ATP4B: variants seen among roughly 807,000 people sequenced by gnomAD.
ATP4B encodes ATPase H+/K+ transporting subunit beta.
ATP4B carries 27 observed loss-of-function variants against 35.3 expected under a neutral mutation model. That is an observed-to-expected ratio of 0.76 (90% confidence interval 0.56 to 1.05). The LOEUF (loss-of-function observed/expected upper bound fraction) is 1.05. Ranked by LOEUF, ATP4B falls within the 50% of genes least tolerant of loss-of-function variation. The pLI is 0.00. For synonymous variants in ATP4B, 162 were observed against 156.0 expected (o/e 1.04, Z -0.29); for missense variants, 375 against 384.8 (o/e 0.97, Z 0.21).
intron 1 of ATP4B, among the ~76,000 whole-genome samples, chr13:113,656,644 A>C (rs564797110): frequency 1.3e-5 from 2 of 152,108 alleles, no homozygotes; most frequent in Non-Finnish European, 2.9e-5. Flanking sequence ...CTGCACCTGC[A>C]CCCGTCCCCC....
At chr13:113,653,154 G>T in intron 3 of ATP4B, 82 bp from the exon 4 acceptor site, 2 of 1,505,104 alleles carry the variant, frequency 1.3e-6, no homozygotes, top group South Asian at 2.5e-5. Context: ...TGCAAGCCCT[G>T]AGTGCGAGTT....
Position 113,651,654 on chromosome 13 carries a change from C to A in ATP4B, c.612+17G>T, listed in dbSNP as rs376524272. Reference sequence around the variant, plus strand: ...CCTTTCCTGGGGCAGCCCTGCCCGCCGCGCGGCCGTACTCACCAGGAAGGC... The same window carrying A: ...CCTTTCCTGGGGCAGCCCTGCCCGCAGCGCGGCCGTACTCACCAGGAAGGC... On this transcript the variant is annotated intron_variant, in intron 5 of 6. Coordinates refer to ENST00000335288, the MANE Select transcript of ATP4B (RefSeq NM_000705.4). 11 of 1,596,692 alleles carry A rather than the reference C, an allele frequency of 6.9e-6. No homozygotes were observed. The highest frequency in any genetic ancestry group is 9.4e-6 in the Non-Finnish European group (11 of 1,170,396).
At position 113,649,370 on chromosome 13, in the gene ATP4B, C is replaced by T. The variant is rs372371020; in HGVS notation, c.*4G>A. The stretch of plus-strand genomic sequence containing the variant: ...GCGTGCCCAGGACCCCTGCGCAAAC[C>T]GTTTCACTTCTCAATCTTGAGTTTG... On this transcript the variant is annotated 3_prime_UTR_variant, in exon 7 of 7. Transcript: ENST00000335288. The surrounding 1 kb of genome is among the most constrained non-coding windows in gnomAD (Gnocchi z 4.7). 3.4e-5 allele frequency: 54 copies of T among 1,591,224 alleles called. No homozygotes were observed. In the African/African-American group the frequency reaches 6.2e-4, roughly 18 times the overall value.
intron 1 of ATP4B, 96 bp from the exon 2 acceptor site, chr13:113,655,038 C>A: frequency 6.7e-7 from 1 of 1,494,682 alleles, no homozygotes; most frequent in Non-Finnish European, 9.1e-7. Context: ...GCGTGACCAT[C>A]TTCCCTACCT....
rs750144083 is a variant in ATP4B at position 113,649,347 on chromosome 13, G to T, written c.*27C>A. 4 of 1,578,168 alleles carry T rather than the reference G, an allele frequency of 2.5e-6. No individual in the cohort carries two copies. In the African/African-American group the frequency reaches 5.4e-5, roughly 21 times the overall value. On this transcript the variant is annotated 3_prime_UTR_variant, in exon 7 of 7. Coordinates refer to ENST00000335288, the MANE Select transcript of ATP4B (RefSeq NM_000705.4). This position sits in a 1 kb window ranked among gnomAD's most constrained non-coding sequence, Gnocchi z 4.7. ...GGTGTCCTTGAGCGACCCCGCAGGC[G>T]TGCCCAGGACCCCTGCGCAAACCGT...
At chr13:113,653,118 C>T (rs368500033) in intron 3 of ATP4B, 46 bp from the exon 4 acceptor site, 84 of 1,572,104 alleles carry the variant, frequency 5.3e-5, no homozygotes, top group South Asian at 1.6e-4. Flanking sequence ...CTGGCCCTGA[C>T]GCCTGGCTGC....
intron 4 of ATP4B, among the ~76,000 whole-genome samples, chr13:113,652,430 A>T (rs2049719403): frequency 1.3e-5 from 2 of 152,158 alleles, no homozygotes; most frequent in African/African-American, 2.4e-5. Context: ...CTTGGCCAGG[A>T]CCTGCCCTGC....
In ATP4B at chr13:113,653,403, C is replaced by T. The variant is rs2049728991; in HGVS notation, c.273G>A (p.Glu91=). The part of the protein sequence containing the change: ...GVTLRPDVYG[E]KGLEIVYNVS... The stretch of plus-strand genomic sequence containing the variant: ...CGTTGTAGACAATTTCCAGGCCTTT[C>T]TCCCCGTAAACATCCGGCCTTAAGG... The change falls in exon 3 of 7, where the codon GAG becomes GAA. Residue 91 remains glutamate (E), a synonymous_variant. Coordinates refer to ENST00000335288, the MANE Select transcript of ATP4B (RefSeq NM_000705.4). 3 of 1,614,254 alleles carry T rather than the reference C, an allele frequency of 1.9e-6. No homozygotes were observed. Among genetic ancestry groups the T allele is most frequent in the Non-Finnish European group, 2.5e-6 (3 of 1,180,048 alleles).
intron 2 of ATP4B, among the ~76,000 whole-genome samples, chr13:113,653,897 C>T (rs959634761): frequency 2.6e-5 from 4 of 152,224 alleles, no homozygotes; most frequent in African/African-American, 4.8e-5. Flanking sequence ...TCGACTTTCC[C>T]GATGTGAACC....
intron 1 of ATP4B, among the ~76,000 whole-genome samples, chr13:113,657,058 G>A (rs367705712): frequency 2.8e-4 from 43 of 152,362 alleles, no homozygotes; most frequent in African/African-American, 8.2e-4. Context: ...CTTTGAGACC[G>A]TGGAGCCTCC....
In ATP4B at chr13:113,649,514, C is replaced by T. The variant is rs1236307480; in HGVS notation, c.736G>A (p.Val246Met). Residue 246 changes from valine (V) to methionine (M), a missense_variant, in exon 7 of 7, where the codon GTG becomes ATG. Physicochemically the swap from Val to Met is conservative, Grantham distance 21. Transcript: ENST00000335288. The surrounding 1 kb of genome is among the most constrained non-coding windows in gnomAD (Gnocchi z 4.7). ...GGGATGTTGAGGAGCTTCGCTGCCA[C>T]CAGGGGGTTGCTGTAGTGGGGCTGA... is the stretch of plus-strand genomic sequence containing the variant. ...KAQPHYSNPL[V>M]AAKLLNIPRN... 6.5e-7 allele frequency: 1 copy of T among 1,537,266 alleles called. No homozygotes were observed. Among genetic ancestry groups the T allele is most frequent in the Admixed American group, 2.0e-5 (1 of 50,002 alleles).
In ATP4B at chr13:113,649,667, C is replaced by G. The variant is rs550054090; in HGVS notation, c.715-132G>C. ...TCTTTTGTGTAAGACTGGCCCTGAC[C>G]GAGTGCATGCCCTGGAATTTGCTGA... On this transcript the variant is annotated intron_variant, in intron 6 of 6. Transcript: ENST00000335288. This position sits in a 1 kb window ranked among gnomAD's most constrained non-coding sequence, Gnocchi z 4.7. The G allele has an allele frequency of 3.9e-6, 4 of 1,025,798 alleles. No individual in the cohort carries two copies. Among genetic ancestry groups the G allele is most frequent in the African/African-American group, 1.7e-5 (1 of 59,128 alleles). 63.5% of individuals were successfully genotyped at this position (1,025,798 alleles called of 1,614,324 possible).
chr13:113,656,256 C>T (rs375100860), intron 1 of ATP4B, among the ~76,000 whole-genome samples: 13 of 152,292 alleles, frequency 8.5e-5, no homozygotes, highest in African/African-American at 3.1e-4. Context: ...TTGACTTGGC[C>T]GCCTGTCCCC....
intron 2 of ATP4B, among the ~76,000 whole-genome samples, chr13:113,654,103 A>G (rs1038507498): frequency 2.0e-5 from 3 of 152,130 alleles, no homozygotes; most frequent in Non-Finnish European, 4.4e-5. Flanking sequence ...CATTCTTTCC[A>G]TAAATGTGGT....
chr13:113,655,010 G>C, intron 1 of ATP4B, 68 bp from the exon 2 acceptor site: 5 of 1,590,620 alleles, frequency 3.1e-6, no homozygotes, highest in Non-Finnish European at 4.3e-6. Context: ...CGGTGGCCTT[G>C]AGCGCGTCCG....
At position 113,650,600 on chromosome 13, in the gene ATP4B, C is replaced by CT; in HGVS notation, c.613-94dup. 1.1e-6 allele frequency: 1 copy of CT among 923,120 alleles called. No individual in the cohort carries two copies. Among genetic ancestry groups the CT allele is most frequent in the Non-Finnish European group, 1.7e-6 (1 of 601,316 alleles). 57.2% of individuals were successfully genotyped at this position (923,120 alleles called of 1,614,324 possible). A position where few individuals can be genotyped will look rare whatever the true frequency, so the allele number is the denominator to read the frequency against. ...TTGTGTGCGTGTGTGCACACACGCG[C>CT]TGTGTAGGTGCTTGCATAAACACTT... On this transcript the variant is annotated intron_variant, in intron 5 of 6. Transcript: ENST00000335288. This position sits in a 1 kb window ranked among gnomAD's most constrained non-coding sequence, Gnocchi z 5.0.
chr13:113,651,627 C>T (rs755236964), intron 5 of ATP4B, 44 bp downstream of exon 5: 3 of 1,550,032 alleles, frequency 1.9e-6, no homozygotes, highest in African/African-American at 2.7e-5. Flanking sequence ...CCCTGACAAG[C>T]TCCTTTCCTG....
intron 5 of ATP4B, 109 bp downstream of exon 5, chr13:113,651,562 G>A (rs1012719453): frequency 3.2e-5 from 40 of 1,267,590 alleles, no homozygotes; most frequent in African/African-American, 2.3e-4. Flanking sequence ...CTGGGCCGAC[G>A]GCTGACATTC....
chr13:113,653,384 A>G lies in ATP4B; in HGVS notation c.292T>C (p.Tyr98His). 6.2e-7 allele frequency: 1 copy of G among 1,614,202 alleles called. No individual in the cohort carries two copies. Residue 98 changes from tyrosine (Y) to histidine (H), a missense_variant, in exon 3 of 7, where the codon TAC (tyrosine) becomes CAC (histidine). Physicochemically the swap from Tyr to His is moderately conservative, Grantham distance 83. Transcript: ENST00000335288. ...VYGEKGLEIVYNVSDNRTWAD... is the reference protein window; with the variant it reads ...VYGEKGLEIVHNVSDNRTWAD... ...CAGGTTCTGTTATCAGAGACGTTGT[A>G]GACAATTTCCAGGCCTTTCTCCCCG...
Sources: allele counts gnomAD v4.1 joint callset (sites outside exome capture counted in the v4.1 genomes callset), GRCh38; gene constraint gnomAD v4.1.1; non-coding constraint Gnocchi (gnomAD v3.1); transcripts MANE v1.5; gene names NCBI Gene and HGNC (gene_info 2026-07-23, HGNC 2026-07-21).